VSNL1: variants seen among roughly 807,000 people sequenced by gnomAD.
VSNL1 encodes the protein visinin like 1, also known as visinin-like protein 1.
Under a neutral mutation model 20.4 loss-of-function variants are expected in VSNL1, and 6 were observed. The ratio of observed to expected loss-of-function variants is 0.29; its 90% confidence interval spans 0.16 to 0.58. The LOEUF is 0.58. VSNL1 is among the 20% of genes least tolerant of loss of function. VSNL1 has a pLI of 0.90. For synonymous variants in VSNL1, 93 were observed against 86.4 expected, an observed-to-expected ratio of 1.08 and a Z score of -0.42; for missense variants, 100 against 234.5, an observed-to-expected ratio of 0.43 and a Z score of 3.75.
chr2:17,588,415 C>T (rs1204776715), intron 1 of VSNL1, among the ~76,000 whole-genome samples: 4 of 152,166 alleles, frequency 2.6e-5, no homozygotes, highest in Non-Finnish European at 5.9e-5. Context: ...GCCAAGATCA[C>T]AGAGTAAGTT....
rs1327879352 is a variant in VSNL1 at position 17,655,190 on chromosome 2, C to T, written c.379-7C>T. 3.1e-6 allele frequency: 5 copies of T among 1,608,212 alleles called. No individual in the cohort carries two copies. Among genetic ancestry groups the T allele is most frequent in the Non-Finnish European group, 3.4e-6 (4 of 1,177,628 alleles). Reference sequence around the variant, plus strand: ...GTAATATCACCTACAATGCTTTTTTCCCCAAGGCTATCTACAAAATGGTAG... The same window carrying T: ...GTAATATCACCTACAATGCTTTTTTTCCCAAGGCTATCTACAAAATGGTAG... On this transcript the variant is annotated splice_region_variant and splice_polypyrimidine_tract_variant and intron_variant, in intron 3 of 3. Coordinates refer to ENST00000295156, the MANE Select transcript of VSNL1 (RefSeq NM_003385.5). The surrounding 1 kb of genome is among the most constrained non-coding windows in gnomAD (Gnocchi z 5.2).
At chr2:17,628,343 G>A (rs897540036) in intron 2 of VSNL1, among the ~76,000 whole-genome samples, 7 of 152,210 alleles carry the variant, frequency 4.6e-5, no homozygotes, top group African/African-American at 1.7e-4. Context: ...AATTTTTTCT[G>A]TCTGATATAT....
intron 2 of VSNL1, among the ~76,000 whole-genome samples, chr2:17,641,105 T>C (rs368635386): frequency 2.0e-4 from 31 of 152,362 alleles, no homozygotes; most frequent in African/African-American, 6.5e-4. Context: ...CCAGGCTCAG[T>C]GTTCTCATCA....
At chr2:17,552,308 A>G (rs1663563703) in intron 1 of VSNL1, among the ~76,000 whole-genome samples, 1 of 152,066 alleles carries the variant, frequency 6.6e-6, no homozygotes, top group African/African-American at 2.4e-5. Flanking sequence ...CTGCAAGGTT[A>G]GCTTCATTTT....
intron 2 of VSNL1, among the ~76,000 whole-genome samples, chr2:17,629,727 C>T (rs4077269): frequency 0.25 from 37,549 of 152,180 alleles, 6,050 homozygotes; most frequent in Middle Eastern, 0.49. Context: ...AGATTGTACC[C>T]GCATTCAACA....
intron 2 of VSNL1, among the ~76,000 whole-genome samples, chr2:17,595,229 G>T (rs531024325): frequency 3.5e-4 from 53 of 152,318 alleles, no homozygotes; most frequent in African/African-American, 1.2e-3. Flanking sequence ...AGCAAGTGTG[G>T]GTAAGCATTT....
intron 1 of VSNL1, among the ~76,000 whole-genome samples, chr2:17,571,025 CA>C (rs895156881): frequency 8.2e-5 from 12 of 145,858 alleles, no homozygotes; most frequent in Non-Finnish European, 1.4e-4. Flanking sequence ...GACTCCATCT[CA>C]AAAAAAAAAT....
At chr2:17,592,977 G>A (rs1664629955) in intron 2 of VSNL1, among the ~76,000 whole-genome samples, 1 of 151,974 alleles carries the variant, frequency 6.6e-6, no homozygotes, top group Admixed American at 6.6e-5. Context: ...CTTATGTAAT[G>A]TTACACAAGT....
chr2:17,579,069 T>A (rs923378465), intron 1 of VSNL1, among the ~76,000 whole-genome samples: 2 of 152,196 alleles, frequency 1.3e-5, no homozygotes, highest in Admixed American at 1.3e-4. Context: ...ACCTACTCCC[T>A]CTTTTTGTCC....
intron 2 of VSNL1, among the ~76,000 whole-genome samples, chr2:17,624,441 T>C (rs1665456938): frequency 1.3e-5 from 2 of 152,214 alleles, no homozygotes; most frequent in African/African-American, 4.8e-5. Context: ...TTATGTTACA[T>C]GGCAAAGGTC....
intron 1 of VSNL1, among the ~76,000 whole-genome samples, chr2:17,579,336 C>G (rs973341302): frequency 4.6e-5 from 7 of 151,666 alleles, no homozygotes; most frequent in African/African-American, 1.5e-4. Context: ...AGGATAGTGT[C>G]GATCTCCTGA....
intron 2 of VSNL1, among the ~76,000 whole-genome samples, chr2:17,598,419 T>G (rs1664756834): frequency 6.6e-6 from 1 of 152,226 alleles, no homozygotes; most frequent in African/African-American, 2.4e-5. Flanking sequence ...CTGTAACGCA[T>G]CTCAGAATCA....
At chr2:17,604,822 G>T (rs532388392) in intron 2 of VSNL1, among the ~76,000 whole-genome samples, 4 of 152,266 alleles carry the variant, frequency 2.6e-5, no homozygotes, top group East Asian at 3.9e-4. Flanking sequence ...CATTTGGGTG[G>T]TTTCTTTTTT....
chr2:17,634,900 C>T lies in VSNL1; in HGVS notation c.163-14510C>T, dbSNP rs1665717912. Among the ~76,000 whole-genome samples, 1 of 152,166 alleles carries T rather than the reference C, an allele frequency of 6.6e-6. No homozygotes were observed. The highest frequency in any genetic ancestry group is 2.1e-4 in the South Asian group (1 of 4,830). ...AGTTACTGCTCCTGCTTGGTTCTGA[C>T]TCACGGTCAGGCTCTAACTGGCAGC... On this transcript the variant is annotated intron_variant, in intron 2 of 3. Coordinates refer to ENST00000295156, the MANE Select transcript of VSNL1 (RefSeq NM_003385.5). The surrounding 1 kb of genome is among the most constrained non-coding windows in gnomAD (Gnocchi z 4.3).
intron 2 of VSNL1, among the ~76,000 whole-genome samples, chr2:17,631,972 C>T (rs891462956): frequency 2.0e-5 from 3 of 151,918 alleles, no homozygotes; most frequent in East Asian, 1.9e-4. Flanking sequence ...CTACAGCCTC[C>T]GCCTCCCGGG....
chr2:17,544,243 G>A (rs1663359169), intron 1 of VSNL1, among the ~76,000 whole-genome samples: 1 of 152,094 alleles, frequency 6.6e-6, no homozygotes, highest in Non-Finnish European at 1.5e-5. Context: ...CTCCTCTGTT[G>A]GTAAATCTTT....
chr2:17,550,125 A>G (rs1663496659), intron 1 of VSNL1, among the ~76,000 whole-genome samples: 1 of 152,184 alleles, frequency 6.6e-6, no homozygotes, highest in Admixed American at 6.5e-5. Flanking sequence ...TAAAAAATTT[A>G]TTGTTCATAT....
intron 3 of VSNL1, among the ~76,000 whole-genome samples, chr2:17,652,000 A>C (rs1666132648): frequency 6.6e-6 from 1 of 152,146 alleles, no homozygotes; most frequent in Non-Finnish European, 1.5e-5. Context: ...GAGCAGATGG[A>C]GAGTAGGTTT....
rs1474489701 is a variant in VSNL1, at chr2:17,619,029, C to T, written c.162+26793C>T. ...CCAAAGAGAATCTGACAGTCAGGGGCGAAGGAAGAGAGCCAATACTGAATA... is the reference window on the plus strand; with the variant it reads ...CCAAAGAGAATCTGACAGTCAGGGGTGAAGGAAGAGAGCCAATACTGAATA... On this transcript the variant is annotated intron_variant, in intron 2 of 3. Transcript: ENST00000295156. Among the ~76,000 whole-genome samples the T allele has an allele frequency of 8.5e-5, 13 of 152,118 alleles. No individual in the cohort carries two copies. The East Asian group carries it at 9.6e-4, about 11-fold the overall frequency.
Sources: allele counts gnomAD v4.1 joint callset (sites outside exome capture counted in the v4.1 genomes callset), GRCh38; gene constraint gnomAD v4.1.1; non-coding constraint Gnocchi (gnomAD v3.1); transcripts MANE v1.5; gene names NCBI Gene and HGNC (gene_info 2026-07-23, HGNC 2026-07-21).